ZNF273: variants seen among roughly 807,000 people sequenced by gnomAD.
ZNF273 encodes zinc finger protein 273.
ZNF273 carries 11 observed loss-of-function variants against 14.9 expected under a neutral mutation model. That is an observed-to-expected ratio of 0.74 (90% CI 0.46 to 1.22). The LOEUF (loss-of-function observed/expected upper bound fraction) is 1.22. Ranked by LOEUF, ZNF273 falls within the 50% of genes most tolerant of loss-of-function variation. The probability of loss-of-function intolerance (pLI) is 0.00; values close to 1 mark genes in which losing one functional copy is unlikely to be tolerated. For synonymous variants in ZNF273, 199 were observed against 223.9 expected (o/e 0.89, Z 0.99); for missense variants, 577 against 660.6 (o/e 0.87, Z 1.39).
the ZNF273 span, among the ~76,000 whole-genome samples, chr7:64,936,545 C>T: frequency 1.3e-5 from 2 of 152,174 alleles, no homozygotes; most frequent in Admixed American, 6.5e-5. Flanking sequence ...CCTACTCTGC[C>T]TCAGAAAGGC....
At chr7:64,884,029 T>C (rs1201278064), downstream of ZNF273, among the ~76,000 whole-genome samples, 1 of 152,232 alleles carries the variant, frequency 6.6e-6, no homozygotes, top group Non-Finnish European at 1.5e-5. Context: ...TCCTATATGA[T>C]GGGACCTAGG....
chr7:64,921,203 TC>T (rs1408922524), intron 3 of ZNF273, among the ~76,000 whole-genome samples: 1 of 151,868 alleles, frequency 6.6e-6, no homozygotes, highest in African/African-American at 2.4e-5. Context: ...TAGCTAAGAT[TC>T]AGGCACGTGC....
rs1213477530 is a variant in ZNF273, at chr7:64,917,706, G to A, written c.228G>A (p.Leu76=). ...ATAACTACAGAAACCTGGTCTTCCT[G>A]GGTGAGGATAATTTTAATACATAAT... The part of the protein sequence containing the change: ...MLDNYRNLVF[L]GIAVSKPDLI... Residue 76 remains leucine, a splice_region_variant and synonymous_variant, in exon 2 of 4, where the codon CTG becomes CTA. Coordinates refer to ENST00000476120, the MANE Select transcript of ZNF273 (RefSeq NM_021148.3). The A allele has an allele frequency of 3.2e-6, 5 of 1,584,854 alleles. No individual in the cohort carries two copies. The highest frequency in any genetic ancestry group is 4.3e-6 in the Non-Finnish European group (5 of 1,164,754).
chr7:64,893,117 A>G (rs1792136410), downstream of ZNF273, among the ~76,000 whole-genome samples: 1 of 152,178 alleles, frequency 6.6e-6, no homozygotes, highest in Non-Finnish European at 1.5e-5. Flanking sequence ...GTAAAGAAAA[A>G]AAAAAATTTG....
chr7:64,904,597 C>T (rs1792961037), intron 1 of ZNF273, among the ~76,000 whole-genome samples: 1 of 152,170 alleles, frequency 6.6e-6, no homozygotes, highest in African/African-American at 2.4e-5. Flanking sequence ...ACCAAATTTC[C>T]AGTTTTTTCT....
At chr7:64,919,100 A>C (rs1023453509) in intron 3 of ZNF273, among the ~76,000 whole-genome samples, 11 of 152,116 alleles carry the variant, frequency 7.2e-5, no homozygotes, top group Non-Finnish European at 1.5e-4. Context: ...TTAAAGTATG[A>C]TGTCTTTCTA....
chr7:64,886,152 C>T lies in ZNF273; in HGVS notation n.274-2421C>T, dbSNP rs142060065. Among the ~76,000 whole-genome samples, 361 of 152,320 alleles carry T rather than the reference C, an allele frequency of 2.4e-3. 6 individuals carry two copies. Among genetic ancestry groups the T allele is most frequent in the Non-Finnish European group, 1.1e-3 (74 of 68,040 alleles). ...TCAGTGAGGACACAGCCACCTGTTG[C>T]AGAGCAGTTTTGAAGAAGAAATAAG... On this transcript the variant is annotated intron_variant and non_coding_transcript_variant, in intron 1 of 1. Coordinates refer to the ZNF273 transcript ENST00000471926.
chr7:64,917,051 A>G, intron 1 of ZNF273: 1 of 1,283,892 alleles, frequency 7.8e-7, no homozygotes, highest in Non-Finnish European at 1.0e-6. Context: ...TGGGAAAATC[A>G]CAGGCTCTTC....
intron 1 of ZNF273, among the ~76,000 whole-genome samples, chr7:64,915,733 C>A (rs1301956516): frequency 1.3e-5 from 2 of 152,176 alleles, no homozygotes; most frequent in African/African-American, 4.8e-5. Flanking sequence ...AGTTTATGGC[C>A]AGATTTTGGG....
chr7:64,901,148 G>T (rs989345882), upstream of ZNF273, among the ~76,000 whole-genome samples: 1 of 151,896 alleles, frequency 6.6e-6, no homozygotes, highest in Non-Finnish European at 1.5e-5. Context: ...GACTACAAGC[G>T]CACGCCATCA....
chr7:64,936,791 C>G, the ZNF273 span, among the ~76,000 whole-genome samples: 2 of 152,156 alleles, frequency 1.3e-5, no homozygotes, highest in Non-Finnish European at 1.5e-5. Context: ...AATGAGTGCT[C>G]TTCATTGTCA....
chr7:64,888,823 A>C, exon 2 of ZNF273: 1 of 985,818 alleles, frequency 1.0e-6, no homozygotes. Context: ...ACTTTCTGGA[A>C]AGAAGAAACC....
chr7:64,927,723 T>TA lies in ZNF273; in HGVS notation c.396dup (p.Leu133ThrfsTer10). On this transcript the variant is annotated frameshift_variant, in exon 4 of 4. Transcript: ENST00000476120. LOFTEE classifies it low-confidence loss of function (END_TRUNC). ...TTAAAAGATTCTTTTCAAAAAGTGATACTGAGAAGATATGGAAAATATGGA... is the reference window on the plus strand; with the variant it reads ...TTAAAAGATTCTTTTCAAAAAGTGATAACTGAGAAGATATGGAAAATATGGA... The TA allele has an allele frequency of 6.2e-7, 1 of 1,611,026 alleles. No individual in the cohort carries two copies.
chr7:64,893,936 T>C (rs772954950), downstream of ZNF273: 3 of 152,126 alleles, frequency 2.0e-5, no homozygotes, highest in East Asian at 5.8e-4. Flanking sequence ...TCATTTCTCA[T>C]GTTTTTAATC....
chr7:64,885,224 T>C (rs887291017), intron 1 of ZNF273, among the ~76,000 whole-genome samples: 1 of 152,182 alleles, frequency 6.6e-6, no homozygotes, highest in Admixed American at 6.5e-5. Flanking sequence ...GCCTTAGGAA[T>C]CGTCAACAGT....
chr7:64,893,112 GAA>G (rs5884549), downstream of ZNF273, among the ~76,000 whole-genome samples: 14 of 151,478 alleles, frequency 9.2e-5, no homozygotes, highest in Middle Eastern at 3.4e-3. Flanking sequence ...TGTTAGTAAA[GAA>G]AAAAAAAAAT....
intron 1 of ZNF273, among the ~76,000 whole-genome samples, chr7:64,885,007 G>A (rs1180139585): frequency 6.6e-6 from 1 of 152,218 alleles, no homozygotes; most frequent in Non-Finnish European, 1.5e-5. Flanking sequence ...TCGCGGATTC[G>A]CATGCGCCAG....
At chr7:64,893,942 T>C (rs116461273), downstream of ZNF273, 1 of 152,164 alleles carries the variant, frequency 6.6e-6, no homozygotes, top group African/African-American at 2.4e-5. Context: ...CTCATGTTTT[T>C]AATCTAAACT....
rs745801710 is a variant in ZNF273 at position 64,903,279 on chromosome 7, C to G, written c.-39C>G. The stretch of plus-strand genomic sequence containing the variant: ...GGGATTTGGCGGGGCCTTTGTCTCT[C>G]GCTGCAGTCGCAGCTCCAGGTCTCG... On this transcript the variant is annotated 5_prime_UTR_variant, in exon 1 of 4. Transcript: ENST00000476120. The G allele has an allele frequency of 6.5e-7, 1 of 1,538,270 alleles. No individual in the cohort carries two copies. The highest frequency in any genetic ancestry group is 2.3e-5 in the East Asian group (1 of 44,052).
Sources: allele counts gnomAD v4.1 joint callset (sites outside exome capture counted in the v4.1 genomes callset), GRCh38; gene constraint gnomAD v4.1.1; transcripts MANE v1.5; gene names NCBI Gene and HGNC (gene_info 2026-07-23, HGNC 2026-07-21).